Variants in ANK2 observed in about 807,000 individuals in gnomAD.
ANK2 encodes the protein ankyrin 2.
Under a neutral mutation model 360.5 loss-of-function variants are expected in ANK2, and 83 were observed. The observed-to-expected ratio is 0.23, with a 90% CI of 0.19 to 0.28. ANK2 has a LOEUF of 0.28. Ranked by LOEUF, ANK2 falls within the 10% of genes least tolerant of loss-of-function variation. The probability of loss-of-function intolerance (pLI) is 1.00; values close to 1 mark genes in which losing one functional copy is unlikely to be tolerated. For missense variants in ANK2, 4,201 were observed against 4,795.7 expected, an observed-to-expected ratio of 0.88 and a Z score of 3.66; for synonymous variants, 1,740 against 1,759.5, an observed-to-expected ratio of 0.99 and a Z score of 0.28.
chr4:113,176,630 T>C (rs1250994189), intron 2 of ANK2, among the ~76,000 whole-genome samples: 1 of 151,988 alleles, frequency 6.6e-6, no homozygotes, highest in Non-Finnish European at 1.5e-5. Context: ...TATTTTATTT[T>C]ATTTTATTTT....
intron 1 of ANK2, among the ~76,000 whole-genome samples, chr4:112,855,614 G>T (rs2066185944): frequency 6.6e-6 from 1 of 152,068 alleles, no homozygotes; most frequent in African/African-American, 2.4e-5. Context: ...TTTACTATAT[G>T]CCAGGTATTG....
At chr4:112,736,171 A>C in the ANK2 span, among the ~76,000 whole-genome samples, 1 of 152,134 alleles carries the variant, frequency 6.6e-6, no homozygotes, top group Non-Finnish European at 1.5e-5. Context: ...AAATTAAAAA[A>C]CAGAACCAGG....
At chr4:112,812,773 C>T in the ANK2 span, among the ~76,000 whole-genome samples, 3 of 152,178 alleles carry the variant, frequency 2.0e-5, no homozygotes, top group East Asian at 5.8e-4. Context: ...GGCCTCTCCA[C>T]GTTGATTCCT....
At chr4:112,794,474 G>T in the ANK2 span, among the ~76,000 whole-genome samples, 3 of 152,274 alleles carry the variant, frequency 2.0e-5, no homozygotes, top group East Asian at 5.8e-4. Flanking sequence ...ATAATCCCAT[G>T]ACCAATACTC....
chr4:113,375,048 A>G (rs904737468), intron 45 of ANK2: 5 of 519,578 alleles, frequency 9.6e-6, no homozygotes, highest in Non-Finnish European at 1.3e-5. Context: ...ACATGAATTC[A>G]TGGAAAGGTG....
rs1455702684 is a variant in ANK2, at chr4:113,355,718, G to C, written c.7100G>C (p.Ser2367Thr). The C allele has an allele frequency of 6.2e-7, 1 of 1,614,146 alleles. No homozygotes were observed. Among genetic ancestry groups the C allele is most frequent in the Non-Finnish European group, 8.5e-7 (1 of 1,179,988 alleles). The change falls in exon 38 of 46, where the codon AGT becomes ACT. Residue 2367 changes from serine (S) to threonine (T), a missense_variant. Around this residue, in one of 4 missense-constraint regions of ANK2, gnomAD observed 2,642 missense variants for 2,714.5 expected, o/e 0.97. Coordinates refer to ENST00000357077, the MANE Select transcript of ANK2 (RefSeq NM_001148.6). ...GSSAHKTQTDSEVQESTATSD... is the reference protein window; with the variant it reads ...GSSAHKTQTDTEVQESTATSD... ...TCAGCCCACAAGACACAAACTGATA[G>C]TGAGGTTCAAGAATCCACAGCCACC...
In ANK2 at chr4:113,305,337, C is replaced by A. The variant is rs1207473707; in HGVS notation, c.2548+2498C>A. On this transcript the variant is annotated intron_variant, in intron 23 of 45. Transcript: ENST00000357077. ...CCTGGGCGACAGAGCGAGACTCCGT[C>A]TCAAAAAAAAAAAAAAAAAAAATAG... 6.2e-4 allele frequency among the ~76,000 whole-genome samples: 9 copies of A among 14,418 alleles called. No individual in the cohort carries two copies. The South Asian group carries it at 0.012, about 19-fold the overall frequency. The allele number at this position is 14,418 out of a possible 152,430, so 9.5% of individuals were successfully genotyped here. A position where few individuals can be genotyped will look rare whatever the true frequency, so the allele number is the denominator to read the frequency against.
chr4:112,907,709 C>G (rs1364329777), intron 2 of ANK2, among the ~76,000 whole-genome samples: 1 of 152,012 alleles, frequency 6.6e-6, no homozygotes, highest in African/African-American at 2.4e-5. Context: ...CTACTTTAAC[C>G]TAAAGTATAA....
At chr4:112,730,788 G>C in the ANK2 span, among the ~76,000 whole-genome samples, 1 of 151,344 alleles carries the variant, frequency 6.6e-6, no homozygotes, top group African/African-American at 2.4e-5. Flanking sequence ...TGAGGTGGGA[G>C]GATTGTTTGA....
chr4:112,993,874 T>C (rs1249092872), intron 2 of ANK2, among the ~76,000 whole-genome samples: 2 of 151,812 alleles, frequency 1.3e-5, no homozygotes, highest in African/African-American at 4.8e-5. Flanking sequence ...GCCCAGCTAA[T>C]TTTTTGTATT....
intron 4 of ANK2, among the ~76,000 whole-genome samples, chr4:113,212,378 G>A (rs766871866): frequency 1.2e-4 from 19 of 152,106 alleles, no homozygotes. Flanking sequence ...TTGAATGCAT[G>A]TACAATACAG....
At chr4:113,147,646 T>C (rs2096884126) in intron 1 of ANK2, among the ~76,000 whole-genome samples, 1 of 152,208 alleles carries the variant, frequency 6.6e-6, no homozygotes, top group Admixed American at 6.5e-5. Context: ...AATGTTTAAC[T>C]TAATACCAAG....
intron 1 of ANK2, among the ~76,000 whole-genome samples, chr4:113,142,425 A>G (rs562089059): frequency 6.6e-6 from 1 of 152,316 alleles, no homozygotes; most frequent in African/African-American, 2.4e-5. Flanking sequence ...GTGATCACAC[A>G]TAGGCAGCTG....
intron 1 of ANK2, among the ~76,000 whole-genome samples, chr4:113,052,268 A>C (rs2067387788): frequency 6.6e-6 from 1 of 152,190 alleles, no homozygotes; most frequent in South Asian, 2.1e-4. Flanking sequence ...CAAAAATTGG[A>C]GTAAAGTCAA....
At chr4:112,732,246 A>AT in the ANK2 span, among the ~76,000 whole-genome samples, 12,871 of 134,170 alleles carry the variant, frequency 0.096, 759 homozygotes, top group Middle Eastern at 0.19. Context: ...CAGAGTAGGG[A>AT]TTTTTTTTTT....
In ANK2 at chr4:113,355,225, G is replaced by A; in HGVS notation, c.6607G>A (p.Glu2203Lys). 1.2e-6 allele frequency: 2 copies of A among 1,614,122 alleles called. No homozygotes were observed. The highest frequency in any genetic ancestry group is 1.7e-6 in the Non-Finnish European group (2 of 1,179,964). Residue 2203 changes from glutamate (E) to lysine (K), a missense_variant, in exon 38 of 46, where the codon GAA becomes AAA. Physicochemically the swap from Glu to Lys is moderately conservative, Grantham distance 56 (BLOSUM62 1). Coordinates refer to ENST00000357077, the MANE Select transcript of ANK2 (RefSeq NM_001148.6). ...LQSGALDGSS[E>K]SLKNEGVAGS... The stretch of plus-strand genomic sequence containing the variant: ...AAGCGGTGCTTTAGATGGCAGTTCT[G>A]AAAGCCTAAAGAATGAGGGGGTAGC...
chr4:112,803,594 C>G, the ANK2 span, among the ~76,000 whole-genome samples: 1 of 152,170 alleles, frequency 6.6e-6, no homozygotes, highest in African/African-American at 2.4e-5. Context: ...ACATCTTGAT[C>G]TCAACCCTGT....
chr4:113,193,660 G>A (rs1361634872), intron 2 of ANK2, among the ~76,000 whole-genome samples: 4 of 152,076 alleles, frequency 2.6e-5, no homozygotes, highest in South Asian at 2.1e-4. Flanking sequence ...TTTATGGCAC[G>A]TATTTCATCT....
the ANK2 span, among the ~76,000 whole-genome samples, chr4:112,795,522 G>C: frequency 8.8e-4 from 134 of 152,120 alleles, no homozygotes; most frequent in Non-Finnish European, 1.6e-3. Flanking sequence ...TTTATTTTCC[G>C]AGATGGAGTC....
Sources: allele counts gnomAD v4.1 joint callset (sites outside exome capture counted in the v4.1 genomes callset), GRCh38; gene constraint gnomAD v4.1.1; regional missense constraint gnomAD v4.1.1; transcripts MANE v1.5; gene names NCBI Gene and HGNC (gene_info 2026-07-23, HGNC 2026-07-21).